Variants in RSF1 observed in about 807,000 individuals in gnomAD.
The protein encoded by RSF1 is remodeling and spacing factor 1, also known as HBV pX-associated protein 8.
Under a neutral mutation model 145.2 loss-of-function variants are expected in RSF1, and 13 were observed. The ratio of observed to expected loss-of-function variants is 0.09; its 90% CI spans 0.06 to 0.14. The LOEUF is 0.14. Ranked by LOEUF, RSF1 falls within the 10% of genes least tolerant of loss-of-function variation. The pLI is 1.00. For missense variants in RSF1, 1,517 were observed against 1,718.2 expected (o/e 0.88, Z 2.07); for synonymous variants, 577 against 592.6 (o/e 0.97, Z 0.38).
chr11:77,814,348 T>A (rs979873125), intron 1 of RSF1, among the ~76,000 whole-genome samples: 2 of 152,054 alleles, frequency 1.3e-5, no homozygotes, highest in African/African-American at 2.4e-5. Flanking sequence ...AAAAAATTTT[T>A]AAAAATTAGC....
the RSF1 span, among the ~76,000 whole-genome samples, chr11:77,844,937 C>G: frequency 6.6e-6 from 1 of 152,114 alleles, no homozygotes; most frequent in African/African-American, 2.4e-5. Flanking sequence ...GCCATCCCAC[C>G]ACCTTTTGGC....
At position 77,701,762 on chromosome 11, in the gene RSF1, G is replaced by A. The variant is rs868769172; in HGVS notation, c.1467C>T (p.Ser489=). The A allele has an allele frequency of 6.2e-7, 1 of 1,613,750 alleles. No individual in the cohort carries two copies. Among genetic ancestry groups the A allele is most frequent in the African/African-American group, 1.3e-5 (1 of 74,994 alleles). ...TCATACTTGTTATGACAGAATTTAA[G>A]GACTCTGTTCCATTTCCCTCCGTGA... ...NIITEGNGTE[S]LNSVITSMKT... is the part of the protein sequence containing the mutation. Residue 489 remains serine, a synonymous_variant, in exon 6 of 16, where the codon TCC becomes TCT. Coordinates refer to ENST00000308488, the MANE Select transcript of RSF1 (RefSeq NM_016578.4).
At chr11:77,713,606 T>G (rs917498394) in intron 5 of RSF1, among the ~76,000 whole-genome samples, 1 of 152,238 alleles carries the variant, frequency 6.6e-6, no homozygotes, top group Non-Finnish European at 1.5e-5. Flanking sequence ...CCCCTTGCTT[T>G]TTCTTTTTTG....
chr11:77,771,437 C>T (rs1565175506), intron 1 of RSF1, among the ~76,000 whole-genome samples: 2 of 152,112 alleles, frequency 1.3e-5, no homozygotes, highest in Non-Finnish European at 2.9e-5. Context: ...CCTGAGGAGG[C>T]CAACAGCTTC....
chr11:77,793,943 G>T (rs1181276245), intron 1 of RSF1, among the ~76,000 whole-genome samples: 1 of 151,918 alleles, frequency 6.6e-6, no homozygotes, highest in Non-Finnish European at 1.5e-5. Context: ...GATGATGAAG[G>T]TCATTATACA....
intron 9 of RSF1, among the ~76,000 whole-genome samples, chr11:77,689,607 C>A (rs989573068): frequency 1.4e-4 from 21 of 152,154 alleles, no homozygotes; most frequent in African/African-American, 5.1e-4. Context: ...TCCATTTTAT[C>A]ATATCATTGG....
chr11:77,787,020 G>A (rs1420984989), intron 1 of RSF1, among the ~76,000 whole-genome samples: 1 of 152,162 alleles, frequency 6.6e-6, no homozygotes, highest in African/African-American at 2.4e-5. Flanking sequence ...AGAAGGCAAA[G>A]GTAGAATTAA....
the RSF1 span, chr11:77,869,606 C>A: frequency 9.8e-7 from 1 of 1,022,648 alleles, no homozygotes; most frequent in South Asian, 1.4e-5. Flanking sequence ...ATGAGTGATG[C>A]TTGGCACAAA....
At chr11:77,808,527 CTTTTT>C (rs745630976) in intron 1 of RSF1, among the ~76,000 whole-genome samples, 2 of 59,982 alleles carry the variant, frequency 3.3e-5, no homozygotes, top group African/African-American at 8.4e-5. Flanking sequence ...AATATTATAC[CTTTTT>C]TTTTTTTTTT....
At chr11:77,676,745 G>A in intron 13 of RSF1, 47 bp downstream of exon 13, 1 of 1,558,642 alleles carries the variant, frequency 6.4e-7, no homozygotes. Context: ...GCCCAGTCCT[G>A]TTCCTGCTGG....
chr11:77,787,705 T>C (rs1182910111), intron 1 of RSF1, among the ~76,000 whole-genome samples: 1 of 151,952 alleles, frequency 6.6e-6, no homozygotes, highest in African/African-American at 2.4e-5. Flanking sequence ...ATCAACTTAA[T>C]CATAATGCAG....
chr11:77,859,497 T>C, the RSF1 span, among the ~76,000 whole-genome samples: 1 of 152,244 alleles, frequency 6.6e-6, no homozygotes, highest in African/African-American at 2.4e-5. Context: ...TAGGTAAGCA[T>C]ACTTAGAGTC....
chr11:77,770,409 C>G (rs1948270646), intron 1 of RSF1, among the ~76,000 whole-genome samples: 1 of 152,198 alleles, frequency 6.6e-6, no homozygotes, highest in Admixed American at 6.5e-5. Flanking sequence ...GAGCCCAGAT[C>G]GTGCCACTGC....
the RSF1 span, chr11:77,841,228 C>G: frequency 1.4e-6 from 1 of 702,362 alleles, no homozygotes; most frequent in Non-Finnish European, 2.6e-6. Context: ...CTTAAAGGTC[C>G]CACCTCTTAA....
At chr11:77,731,757 T>C (rs1344491989) in intron 4 of RSF1, among the ~76,000 whole-genome samples, 1 of 152,252 alleles carries the variant, frequency 6.6e-6, no homozygotes, top group Non-Finnish European at 1.5e-5. Context: ...GCAGCTTCCA[T>C]GTGGTGCTGA....
Position 77,741,534 on chromosome 11 carries a change from T to C in RSF1, c.373-598A>G, listed in dbSNP as rs183297553. On this transcript the variant is annotated intron_variant, in intron 3 of 15. Coordinates refer to ENST00000308488, the MANE Select transcript of RSF1 (RefSeq NM_016578.4). ...GCAAGACCCTGTCTCAAAAAAAAAT[T>C]TCTATTAAAAATGTTTCATTTTTTT... Among the ~76,000 whole-genome samples the C allele has an allele frequency of 7.3e-5, 11 of 151,334 alleles. No homozygotes were observed. In the East Asian group the frequency reaches 2.1e-3, roughly 29 times the overall value.
chr11:77,813,298 C>G, intron 1 of RSF1: 1 of 741,146 alleles, frequency 1.3e-6, no homozygotes, highest in South Asian at 1.5e-5. Context: ...AACTGGTAAT[C>G]AATTTATTAA....
At chr11:77,680,028 G>A (rs1250658767) in intron 11 of RSF1, among the ~76,000 whole-genome samples, 1 of 152,140 alleles carries the variant, frequency 6.6e-6, no homozygotes, top group Non-Finnish European at 1.5e-5. Flanking sequence ...GTATTCAATA[G>A]TCACATATGG....
intron 1 of RSF1, among the ~76,000 whole-genome samples, chr11:77,787,260 A>C (rs1439274502): frequency 6.6e-6 from 1 of 152,204 alleles, no homozygotes; most frequent in Non-Finnish European, 1.5e-5. Flanking sequence ...CTTTTGGCTA[A>C]CACTGGTTAA....
Sources: allele counts gnomAD v4.1 joint callset (sites outside exome capture counted in the v4.1 genomes callset), GRCh38; gene constraint gnomAD v4.1.1; transcripts MANE v1.5; gene names NCBI Gene and HGNC (gene_info 2026-07-23, HGNC 2026-07-21).